CEP162: variants seen among roughly 807,000 people sequenced by gnomAD.
The protein encoded by CEP162 is centrosomal protein of 162 kDa.
CEP162 carries 141 observed loss-of-function variants against 169.2 expected under a neutral mutation model. The observed-to-expected ratio is 0.83, with a 90% CI of 0.73 to 0.96. The LOEUF (loss-of-function observed/expected upper bound fraction) is 0.96. Among genes scored for constraint, CEP162 ranks in the 40% least tolerant of loss-of-function variants. The pLI, the probability that CEP162 is intolerant of heterozygous loss-of-function variation, is 0.00. For synonymous variants in CEP162, 540 were observed against 526.4 expected (o/e 1.03, Z -0.35); for missense variants, 1,600 against 1,587.2 (o/e 1.01, Z -0.14).
rs2099531350 is a variant in CEP162, at chr6:84,174,195, G to T, written c.2026-7C>A. 6.3e-7 allele frequency: 1 copy of T among 1,590,568 alleles called. No individual in the cohort carries two copies. Among genetic ancestry groups the T allele is most frequent in the Non-Finnish European group, 8.6e-7 (1 of 1,168,812 alleles). On this transcript the variant is annotated splice_region_variant and splice_polypyrimidine_tract_variant and intron_variant, in intron 15 of 26. Transcript: ENST00000403245. ...TTTCTTCAAAGCTGCTTAACTTGGA[G>T]AAATTGCAGAAATTGTTTTATTTGG...
chr6:84,221,096 C>T lies in CEP162; in HGVS notation c.133G>A (p.Val45Met), dbSNP rs750924321. Residue 45 changes from valine to methionine, a missense_variant, in exon 3 of 27, where the codon GTG (valine) becomes ATG (methionine). Val to Met is a conservative substitution (Grantham distance 21). Coordinates refer to ENST00000403245, the MANE Select transcript of CEP162 (RefSeq NM_014895.4). ...TCATCTTCAGTTATCCACCAAGGCACTGTATCTTTCTTCTTCATCTCTTTT... is the reference window on the plus strand; with the variant it reads ...TCATCTTCAGTTATCCACCAAGGCATTGTATCTTTCTTCTTCATCTCTTTT... ...SKKEMKKKDT[V>M]PWWITEDDFK... 3 of 1,601,780 alleles carry T rather than the reference C, an allele frequency of 1.9e-6. No individual in the cohort carries two copies. The highest frequency in any genetic ancestry group is 2.6e-6 in the Non-Finnish European group (3 of 1,169,544).
At chr6:84,161,281 T>C (rs2099525662) in intron 20 of CEP162, among the ~76,000 whole-genome samples, 1 of 151,416 alleles carries the variant, frequency 6.6e-6, no homozygotes, top group African/African-American at 2.4e-5. Flanking sequence ...GAACCAGAAG[T>C]TGAGGGATTG....
intron 26 of CEP162, among the ~76,000 whole-genome samples, chr6:84,125,524 G>GAGTA (rs2099508581): frequency 6.6e-6 from 1 of 152,054 alleles, no homozygotes; most frequent in Non-Finnish European, 1.5e-5. Flanking sequence ...ACTGTATGTG[G>GAGTA]AGTAAGGAAA....
chr6:84,152,803 G>A lies in CEP162; in HGVS notation c.3371C>T (p.Ser1124Leu), dbSNP rs1443600939. Reference sequence around the variant, plus strand: ...GGCAGACATTTCCTCTCTGCCCTTTGAGTTCTGATTTGATAGCATCATTCT... The same window carrying A: ...GGCAGACATTTCCTCTCTGCCCTTTAAGTTCTGATTTGATAGCATCATTCT... ...DRRMMLSNQNSKGREEMSAKR... is the reference protein window; with the variant it reads ...DRRMMLSNQNLKGREEMSAKR... The change falls in exon 23 of 27, where the codon TCA (serine) becomes TTA (leucine). Residue 1124 changes from serine to leucine, a missense_variant. Transcript: ENST00000403245. 1.2e-6 allele frequency: 2 copies of A among 1,613,558 alleles called. No individual in the cohort carries two copies. The highest frequency in any genetic ancestry group is 1.7e-6 in the Non-Finnish European group (2 of 1,179,760).
chr6:84,150,496 T>C (rs1234423513), intron 23 of CEP162, among the ~76,000 whole-genome samples: 1 of 152,096 alleles, frequency 6.6e-6, no homozygotes, highest in Non-Finnish European at 1.5e-5. Flanking sequence ...TATTTCTCCA[T>C]GGAAACAGTG....
intron 16 of CEP162, among the ~76,000 whole-genome samples, chr6:84,172,206 C>T (rs748835139): frequency 5.3e-5 from 8 of 152,272 alleles, no homozygotes; most frequent in Non-Finnish European, 1.2e-4. Context: ...ATACTTGTAT[C>T]TGCTACTGAC....
At chr6:84,209,410 T>C (rs1348362573) in intron 6 of CEP162, among the ~76,000 whole-genome samples, 1 of 151,968 alleles carries the variant, frequency 6.6e-6, no homozygotes, top group Non-Finnish European at 1.5e-5. Context: ...GTTTTGCTCT[T>C]GTTGCCCAGG....
chr6:84,146,252 C>G (rs369396653), intron 25 of CEP162, among the ~76,000 whole-genome samples: 3 of 152,058 alleles, frequency 2.0e-5, no homozygotes, highest in Non-Finnish European at 4.4e-5. Context: ...GTGTGCTGCA[C>G]GTATTAATAA....
chr6:84,144,664 G>T (rs562184397), intron 25 of CEP162, among the ~76,000 whole-genome samples: 1 of 152,158 alleles, frequency 6.6e-6, no homozygotes, highest in South Asian at 2.1e-4. Context: ...TGAAAAGATT[G>T]ATTGGTTCAC....
chr6:84,155,649 C>T, intron 21 of CEP162, 139 bp from the exon 22 acceptor site: 1 of 612,100 alleles, frequency 1.6e-6, no homozygotes, highest in Non-Finnish European at 2.8e-6. Context: ...AGGACCAAAT[C>T]AAGAACTACC....
In CEP162 at chr6:84,212,158, T is replaced by C. The variant is rs375240156; in HGVS notation, c.571+799A>G. Among the ~76,000 whole-genome samples the C allele has an allele frequency of 2.4e-4, 37 of 152,248 alleles. 1 individual carries two copies. The highest frequency in any genetic ancestry group is 7.7e-4 in the African/African-American group (32 of 41,578). ...ACTTGTTCCTAGCAGTAACCTGCACTACAAGAAATGTGAAAGGAGGCTCTT... is the reference window on the plus strand; with the variant it reads ...ACTTGTTCCTAGCAGTAACCTGCACCACAAGAAATGTGAAAGGAGGCTCTT... On this transcript the variant is annotated intron_variant, in intron 6 of 26. Coordinates refer to ENST00000403245, the MANE Select transcript of CEP162 (RefSeq NM_014895.4).
At chr6:84,223,275 C>A (rs893909407) in intron 2 of CEP162, among the ~76,000 whole-genome samples, 1 of 151,552 alleles carries the variant, frequency 6.6e-6, no homozygotes, top group African/African-American at 2.4e-5. Flanking sequence ...CCGAGGTGGG[C>A]GGATCACGAG....
At chr6:84,163,363 C>A in intron 18 of CEP162, 93 bp from the exon 19 acceptor site, 1 of 898,902 alleles carries the variant, frequency 1.1e-6, no homozygotes, top group Non-Finnish European at 1.7e-6. Flanking sequence ...AACACTACGG[C>A]AAAATATTTT....
chr6:84,133,863 C>A (rs1203588914), intron 25 of CEP162, among the ~76,000 whole-genome samples: 2 of 152,158 alleles, frequency 1.3e-5, no homozygotes, highest in Non-Finnish European at 2.9e-5. Context: ...TTGGGCTGTA[C>A]CCACTGTCCA....
At chr6:84,174,292 T>C in intron 15 of CEP162, 104 bp from the exon 16 acceptor site, 1 of 922,386 alleles carries the variant, frequency 1.1e-6, no homozygotes, top group Non-Finnish European at 1.6e-6. Context: ...AACTGTCTTA[T>C]AATATTGAAC....
At chr6:84,190,761 C>T (rs929679498) in intron 11 of CEP162, among the ~76,000 whole-genome samples, 1 of 152,224 alleles carries the variant, frequency 6.6e-6, no homozygotes, top group Admixed American at 6.5e-5. Context: ...CGCGAGCGTC[C>T]GCGGCTTCAT....
At position 84,209,150 on chromosome 6, in the gene CEP162, C is replaced by T. The variant is rs115443032; in HGVS notation, c.571+3807G>A. On this transcript the variant is annotated intron_variant, in intron 6 of 26. Coordinates refer to ENST00000403245, the MANE Select transcript of CEP162 (RefSeq NM_014895.4). Reference sequence around the variant, plus strand: ...AGCCAGAAGGCCTAAATTCAATTCCCGGTTCCACTACTTTCAGCTGTAGAA... The same window carrying T: ...AGCCAGAAGGCCTAAATTCAATTCCTGGTTCCACTACTTTCAGCTGTAGAA... 3.4e-3 allele frequency among the ~76,000 whole-genome samples: 524 copies of T among 152,270 alleles called. 3 individuals carry two copies. The highest frequency in any genetic ancestry group is 0.012 in the African/African-American group (481 of 41,542).
Position 84,125,277 on chromosome 6 carries a change from C to T in CEP162, c.4006-1G>A, listed in dbSNP as rs752368417. ...CTACTTGGTGTGTTTGCTGTATTAT[C>T]TGCAAATACAAAAATTCCACATTGC... On this transcript the variant is annotated splice_acceptor_variant, in intron 26 of 26. Coordinates refer to ENST00000403245, the MANE Select transcript of CEP162 (RefSeq NM_014895.4). LOFTEE classifies it high-confidence loss of function. 2 of 1,612,526 alleles carry T rather than the reference C, an allele frequency of 1.2e-6. No homozygotes were observed. Among genetic ancestry groups the T allele is most frequent in the Non-Finnish European group, 8.5e-7 (1 of 1,179,128 alleles).
intron 11 of CEP162, among the ~76,000 whole-genome samples, chr6:84,192,757 A>T (rs1330059841): frequency 6.6e-6 from 1 of 152,230 alleles, no homozygotes; most frequent in African/African-American, 2.4e-5. Context: ...AAGCACATGG[A>T]TGGCCTGTGT....
Sources: allele counts gnomAD v4.1 joint callset (sites outside exome capture counted in the v4.1 genomes callset), GRCh38; gene constraint gnomAD v4.1.1; transcripts MANE v1.5; gene names NCBI Gene and HGNC (gene_info 2026-07-23, HGNC 2026-07-21).